The following DTNA variants were observed in gnomAD, a reference collection of about 807,000 sequenced individuals.
The protein encoded by DTNA is dystrobrevin alpha, also known as dystrophin-related protein 3.
DTNA carries 43 observed loss-of-function variants against 100.7 expected under a neutral mutation model. The observed-to-expected ratio is 0.43, with a 90% confidence interval of 0.33 to 0.55. The LOEUF (loss-of-function observed/expected upper bound fraction) is 0.55, where lower values mean the gene tolerates loss of function less well. Among genes scored for constraint, DTNA ranks in the 20% least tolerant of loss-of-function variants. The pLI is 0.04. For synonymous variants in DTNA, 349 were observed against 347.9 expected (o/e 1.00, Z -0.04); for missense variants, 798 against 953.9 (o/e 0.84, Z 2.15).
At chr18:34,782,369 T>C (rs1222157715) in intron 3 of DTNA, among the ~76,000 whole-genome samples, 2 of 152,296 alleles carry the variant, frequency 1.3e-5, no homozygotes, top group East Asian at 1.9e-4. Context: ...GCATAAAATT[T>C]AGCTCATGAT....
chr18:34,715,151 T>C (rs2146684315), intron 1 of DTNA, among the ~76,000 whole-genome samples: 1 of 152,014 alleles, frequency 6.6e-6, no homozygotes, highest in Non-Finnish European at 1.5e-5. Context: ...GGCACATGTA[T>C]ACATATGTAA....
intron 13 of DTNA, among the ~76,000 whole-genome samples, chr18:34,843,401 G>A (rs1249149542): frequency 2.0e-5 from 3 of 151,852 alleles, no homozygotes; most frequent in Non-Finnish European, 4.4e-5. Flanking sequence ...CTTTGTATTA[G>A]TTTGCTAAGA....
chr18:34,629,314 T>G (rs1470643977), intron 1 of DTNA, among the ~76,000 whole-genome samples: 2 of 152,228 alleles, frequency 1.3e-5, no homozygotes, highest in East Asian at 1.9e-4. Flanking sequence ...CTTACCAAAG[T>G]GTTCTCTGTT....
chr18:34,593,981 G>T (rs1030160057), intron 1 of DTNA, among the ~76,000 whole-genome samples: 1 of 152,146 alleles, frequency 6.6e-6, no homozygotes, highest in Non-Finnish European at 1.5e-5. Context: ...GAGGAAAGGT[G>T]CTCTAAAGGT....
chr18:34,517,842 A>T (rs2145126150), intron 1 of DTNA, among the ~76,000 whole-genome samples: 1 of 152,238 alleles, frequency 6.6e-6, no homozygotes, highest in South Asian at 2.1e-4. Context: ...TTGTATAACC[A>T]TTCACCTGTT....
chr18:34,615,850 C>T (rs933658155), intron 1 of DTNA, among the ~76,000 whole-genome samples: 1 of 152,146 alleles, frequency 6.6e-6, no homozygotes, highest in Non-Finnish European at 1.5e-5. Flanking sequence ...GTTTGGTTCT[C>T]TTCTTGCATT....
chr18:34,843,027 A>G (rs1409769453), intron 13 of DTNA, among the ~76,000 whole-genome samples: 1 of 152,184 alleles, frequency 6.6e-6, no homozygotes, highest in Non-Finnish European at 1.5e-5. Context: ...TAGGTGCTCA[A>G]TAAACATCTG....
intron 2 of DTNA, among the ~76,000 whole-genome samples, chr18:34,758,689 T>G (rs567599927): frequency 6.6e-6 from 1 of 152,338 alleles, no homozygotes; most frequent in South Asian, 2.1e-4. Flanking sequence ...GTTGTAAACT[T>G]GGCAAGATAT....
chr18:34,528,201 T>G (rs756588187), intron 1 of DTNA, among the ~76,000 whole-genome samples: 2 of 152,092 alleles, frequency 1.3e-5, no homozygotes, highest in Non-Finnish European at 2.9e-5. Flanking sequence ...GACCTTGAAA[T>G]TAGACAATTG....
chr18:34,869,591 A>C (rs1376156989), intron 17 of DTNA, among the ~76,000 whole-genome samples: 4 of 152,254 alleles, frequency 2.6e-5, no homozygotes, highest in African/African-American at 9.6e-5. Context: ...TTAAACAGCT[A>C]ATACAGTGAA....
chr18:34,824,344 T>C (rs2095801025), intron 9 of DTNA, among the ~76,000 whole-genome samples: 1 of 151,774 alleles, frequency 6.6e-6, no homozygotes, highest in Non-Finnish European at 1.5e-5. Flanking sequence ...GGCGTGGTGG[T>C]GGGCGCCTGT....
chr18:34,858,477 A>G, intron 16 of DTNA, 79 bp downstream of exon 16: 1 of 1,433,114 alleles, frequency 7.0e-7, no homozygotes, highest in Non-Finnish European at 9.8e-7. Flanking sequence ...GTCTAGCCAG[A>G]AAACAGTCCT....
chr18:34,499,383 C>G (rs2039645854), intron 1 of DTNA, among the ~76,000 whole-genome samples: 1 of 152,134 alleles, frequency 6.6e-6, no homozygotes, highest in East Asian at 1.9e-4. Context: ...AACCATTCAC[C>G]TATTGAAAGA....
At chr18:34,553,448 C>G (rs2045674592) in intron 1 of DTNA, among the ~76,000 whole-genome samples, 1 of 151,094 alleles carries the variant, frequency 6.6e-6, no homozygotes, top group South Asian at 2.1e-4. Flanking sequence ...ACATGAAGTC[C>G]TTGCCCATGC....
rs536903895 is a variant in DTNA, at chr18:34,549,218, C to G, written c.-2+55704C>G. On this transcript the variant is annotated intron_variant, in intron 1 of 19. Coordinates refer to the DTNA transcript ENST00000283365. ...GGTTTCTGACCCCTCTATGATCTGT[C>G]CACACTAGAGCCATCAGAATCTCTC... Among the ~76,000 whole-genome samples the G allele has an allele frequency of 2.0e-5, 3 of 152,138 alleles. No individual in the cohort carries two copies. The South Asian group carries it at 6.2e-4, about 32-fold the overall frequency.
intron 14 of DTNA, among the ~76,000 whole-genome samples, chr18:34,851,037 AG>A (rs1406461143): frequency 6.6e-6 from 1 of 152,218 alleles, no homozygotes; most frequent in Non-Finnish European, 1.5e-5. Context: ...AAGACATAAA[AG>A]TTTGTTGATT....
intron 1 of DTNA, among the ~76,000 whole-genome samples, chr18:34,512,630 G>A (rs189356117): frequency 1.1e-4 from 17 of 152,056 alleles, no homozygotes; most frequent in South Asian, 2.1e-4. Flanking sequence ...AAGTAGGAGT[G>A]CAACCGTAAC....
intron 1 of DTNA, among the ~76,000 whole-genome samples, chr18:34,608,871 A>G (rs17556016): frequency 6.6e-6 from 1 of 152,134 alleles, no homozygotes; most frequent in Non-Finnish European, 1.5e-5. Flanking sequence ...TATAGCCAAG[A>G]TACCTTCTCT....
intron 1 of DTNA, among the ~76,000 whole-genome samples, chr18:34,713,060 A>G (rs976680074): frequency 1.3e-5 from 2 of 152,134 alleles, no homozygotes; most frequent in African/African-American, 4.8e-5. Context: ...TTTATTATTG[A>G]CCACTATGTA....
Sources: allele counts gnomAD v4.1 joint callset (sites outside exome capture counted in the v4.1 genomes callset), GRCh38; gene constraint gnomAD v4.1.1; transcripts MANE v1.5; gene names NCBI Gene and HGNC (gene_info 2026-07-23, HGNC 2026-07-21).